Variants in PLSCR2 observed in about 807,000 individuals in gnomAD.
The protein encoded by PLSCR2 is phospholipid scramblase 2, also known as PL scramblase 2.
In PLSCR2, 18 loss-of-function variants were observed where a neutral mutation model predicts 25.3. The ratio of observed to expected loss-of-function variants is 0.71; its 90% confidence interval spans 0.49 to 1.06. The LOEUF (loss-of-function observed/expected upper bound fraction) is 1.06, where lower values mean the gene tolerates loss of function less well. Among genes scored for constraint, PLSCR2 ranks in the 50% least tolerant of loss-of-function variants. The pLI, the probability that PLSCR2 is intolerant of heterozygous loss-of-function variation, is 0.00. For synonymous variants in PLSCR2, 88 were observed against 87.3 expected, an observed-to-expected ratio of 1.01 and a Z score of -0.04; for missense variants, 243 against 269.5, an observed-to-expected ratio of 0.90 and a Z score of 0.69.
intron 5 of PLSCR2, 46 bp downstream of exon 5, chr3:146,453,956 C>A: frequency 6.8e-7 from 1 of 1,460,744 alleles, no homozygotes; most frequent in African/African-American, 1.4e-5. Context: ...AAATTATATT[C>A]TTCTATTAAA....
Position 146,424,619 on chromosome 3 carries a change from C to A in PLSCR2, c.101-28698G>T, listed in dbSNP as rs149044682. ...TTTTGCTTTTTATAGTTTCAGTTAC[C>A]AGCATGGTCAACTGAGGTCCAAATA... On this transcript the variant is annotated intron_variant and NMD_transcript_variant, in intron 2 of 3. Transcript: ENST00000463633. Among the ~76,000 whole-genome samples, 35 of 152,134 alleles carry A rather than the reference C, an allele frequency of 2.3e-4. 1 individual carries two copies. The highest frequency in any genetic ancestry group is 7.2e-4 in the African/African-American group (30 of 41,526).
At chr3:146,489,449 T>C (rs1199718878) in intron 1 of PLSCR2, among the ~76,000 whole-genome samples, 1 of 152,128 alleles carries the variant, frequency 6.6e-6, no homozygotes, top group Non-Finnish European at 1.5e-5. Flanking sequence ...TGTAGACCAG[T>C]AAAATGGCAG....
chr3:146,456,647 C>A (rs1489041048), intron 3 of PLSCR2, among the ~76,000 whole-genome samples: 1 of 152,028 alleles, frequency 6.6e-6, no homozygotes, highest in Non-Finnish European at 1.5e-5. Flanking sequence ...CAAAAGATTG[C>A]AACAATTATA....
At chr3:146,398,516 T>A (rs1187390114) in intron 2 of PLSCR2, 4 of 88,838 alleles carry the variant, frequency 4.5e-5, no homozygotes, top group Non-Finnish European at 1.0e-4. Flanking sequence ...AGTAATCCAA[T>A]TTTTTTTTAA....
chr3:146,399,854 A>G (rs1040637479), intron 2 of PLSCR2, among the ~76,000 whole-genome samples: 1 of 149,492 alleles, frequency 6.7e-6, no homozygotes, highest in Admixed American at 6.7e-5. Context: ...CTTACCATAT[A>G]TAAGTATTAC....
At position 146,457,267 on chromosome 3, in the gene PLSCR2, AG is replaced by A. The variant is rs1304882141; in HGVS notation, c.100+1143del. On this transcript the variant is annotated intron_variant, in intron 3 of 6. Coordinates refer to ENST00000610787, the Ensembl canonical transcript of PLSCR2. ...TTATAACAGATATATTCTAAAAACC[AG>A]CAGTTTTTATAATAAATAGAAGAAG... Among the ~76,000 whole-genome samples, 14 of 152,386 alleles carry A rather than the reference AG, an allele frequency of 9.2e-5. No homozygotes were observed. In the East Asian group the frequency reaches 2.5e-3, roughly 27 times the overall value.
chr3:146,396,808 T>C (rs1165040124), intron 2 of PLSCR2, among the ~76,000 whole-genome samples: 2 of 152,014 alleles, frequency 1.3e-5, no homozygotes, highest in African/African-American at 2.4e-5. Flanking sequence ...ACGAGAAATA[T>C]CAAAGTGTTT....
intron 1 of PLSCR2, among the ~76,000 whole-genome samples, chr3:146,476,043 C>A (rs964127717): frequency 6.6e-6 from 1 of 152,012 alleles, no homozygotes; most frequent in Non-Finnish European, 1.5e-5. Flanking sequence ...TCATGTTAAA[C>A]AATTACCACT....
intron 1 of PLSCR2, among the ~76,000 whole-genome samples, chr3:146,468,749 T>C (rs1466641901): frequency 6.6e-6 from 1 of 152,210 alleles, no homozygotes; most frequent in African/African-American, 2.4e-5. Flanking sequence ...GCTCAGTAAC[T>C]AGCTGAATTG....
At chr3:146,472,778 C>T (rs778565781) in intron 1 of PLSCR2, among the ~76,000 whole-genome samples, 2 of 152,190 alleles carry the variant, frequency 1.3e-5, no homozygotes, top group Non-Finnish European at 2.9e-5. Flanking sequence ...TCTGTCTTAG[C>T]TCCTGTTGCA....
chr3:146,431,864 TA>T (rs34188112), downstream of PLSCR2, among the ~76,000 whole-genome samples: 238 of 143,798 alleles, frequency 1.7e-3, no homozygotes, highest in Middle Eastern at 7.2e-3. Context: ...CATCAAGCAT[TA>T]AAAAAAAAAA....
intron 2 of PLSCR2, among the ~76,000 whole-genome samples, chr3:146,413,163 T>C (rs182726100): frequency 1.8e-4 from 27 of 152,214 alleles, no homozygotes; most frequent in Non-Finnish European, 3.1e-4. Flanking sequence ...CCAAAAACAT[T>C]TGGTGCTCCT....
At chr3:146,395,138 G>C (rs2038229966) in intron 3 of PLSCR2, among the ~76,000 whole-genome samples, 2 of 151,854 alleles carry the variant, frequency 1.3e-5, no homozygotes, top group African/African-American at 4.8e-5. Flanking sequence ...TGAGGATTAG[G>C]AAAAAGGAAC....
exon 1 of PLSCR2, chr3:146,460,349 T>TAC (rs2041495538): frequency 1.3e-5 from 5 of 393,072 alleles, no homozygotes; most frequent in Non-Finnish European, 1.9e-5. Flanking sequence ...AAATATGCTT[T>TAC]TATACCTGTG....
At chr3:146,478,563 A>T (rs979806473) in intron 1 of PLSCR2, among the ~76,000 whole-genome samples, 2 of 152,138 alleles carry the variant, frequency 1.3e-5, no homozygotes, top group Non-Finnish European at 2.9e-5. Context: ...AAAAGAAACT[A>T]AAAAAAGCCT....
intron 3 of PLSCR2, among the ~76,000 whole-genome samples, chr3:146,457,940 C>T (rs1023906331): frequency 6.6e-6 from 1 of 152,152 alleles, no homozygotes; most frequent in Non-Finnish European, 1.5e-5. Flanking sequence ...ATACCAAAAT[C>T]CTAGGCTACT....
At chr3:146,491,403 CT>C (rs1248186662) in intron 1 of PLSCR2, among the ~76,000 whole-genome samples, 1 of 152,028 alleles carries the variant, frequency 6.6e-6, no homozygotes, top group East Asian at 1.9e-4. Context: ...TGAAAATTCT[CT>C]AGTGGAGTTG....
intron 1 of PLSCR2, among the ~76,000 whole-genome samples, chr3:146,479,050 A>T (rs956940571): frequency 7.2e-5 from 11 of 152,188 alleles, no homozygotes; most frequent in Admixed American, 7.2e-4. Flanking sequence ...ATCTTGAGAG[A>T]TTTTGTCACC....
intron 2 of PLSCR2, among the ~76,000 whole-genome samples, chr3:146,397,304 T>G (rs2038309241): frequency 6.6e-6 from 1 of 152,092 alleles, no homozygotes; most frequent in Admixed American, 6.6e-5. Context: ...TAATAAAAAT[T>G]TTTGCATTAA....
Sources: gnomAD v4.1 joint callset for allele counts (sites outside exome capture counted in the v4.1 genomes callset) on GRCh38, gnomAD v4.1.1 for gene constraint, MANE v1.5 for transcripts, NCBI Gene and HGNC (gene_info 2026-07-23, HGNC 2026-07-21) for gene names.